The following B4GALT1 variants were observed in gnomAD, a reference collection of about 807,000 sequenced individuals.
B4GALT1 encodes the protein N-acetyllactosamine synthase.
Under a neutral mutation model 34.9 loss-of-function variants are expected in B4GALT1, and 16 were observed. The observed-to-expected ratio is 0.46, with a 90% CI of 0.31 to 0.70. B4GALT1 has a LOEUF of 0.70. Ranked by LOEUF, B4GALT1 falls within the 30% of genes least tolerant of loss-of-function variation. B4GALT1 has a pLI of 0.05. For synonymous variants in B4GALT1, 221 were observed against 218.1 expected (o/e 1.01, Z -0.12); for missense variants, 445 against 530.5 (o/e 0.84, Z 1.58).
At chr9:33,142,738 G>A (rs1278613432) in intron 1 of B4GALT1, among the ~76,000 whole-genome samples, 2 of 152,124 alleles carry the variant, frequency 1.3e-5, no homozygotes, top group African/African-American at 2.4e-5. Context: ...TGGGACTGCA[G>A]TGCATGCTAC....
chr9:33,163,132 A>T (rs936049457), intron 1 of B4GALT1, among the ~76,000 whole-genome samples: 2 of 151,702 alleles, frequency 1.3e-5, no homozygotes, highest in African/African-American at 2.4e-5. Context: ...CTCAAAGTAC[A>T]CTCTGTCCTG....
Position 33,105,313 on chromosome 9 carries a change from A to G in B4GALT1, c.649-532T>C, listed in dbSNP as rs201415544. Among the ~76,000 whole-genome samples the G allele has an allele frequency of 1.4e-4, 21 of 151,408 alleles. No individual in the cohort carries two copies. The East Asian group carries it at 4.1e-3, about 30-fold the overall frequency. On this transcript the variant is annotated intron_variant, in intron 2 of 2. Transcript: ENST00000535206. Reference sequence around the variant, plus strand: ...CACCACCACGCCTGGCTAATTTTGTATTTTTAGTAGAGACAGGGTTTCTCC... The same window carrying G: ...CACCACCACGCCTGGCTAATTTTGTGTTTTTAGTAGAGACAGGGTTTCTCC...
chr9:33,125,629 C>T (rs1345016501), intron 2 of B4GALT1, among the ~76,000 whole-genome samples: 2 of 151,298 alleles, frequency 1.3e-5, no homozygotes, highest in Non-Finnish European at 3.0e-5. Context: ...ATGTGCACTA[C>T]ACTTGCAAGC....
In B4GALT1 at chr9:33,157,063, T is replaced by TACACACACACACACACACACACACAC. The variant is rs371027641; in HGVS notation, c.412+9669_412+9694dup. 6.7e-3 allele frequency among the ~76,000 whole-genome samples: 589 copies of TACACACACACACACACACACACACAC among 87,296 alleles called. 41 individuals carry two copies. The highest frequency in any genetic ancestry group is 0.015 in the East Asian group (28 of 1,870). 57.3% of individuals were successfully genotyped at this position (87,296 alleles called of 152,430 possible). On this transcript the variant is annotated intron_variant, in intron 1 of 5. Coordinates refer to ENST00000379731, the MANE Select transcript of B4GALT1 (RefSeq NM_001497.4). ...CCACATGGTGTCCAGCATAGGGAAC[T>TACACACACACACACACACACACACAC]ACACACACACACACACACACACACA...
chr9:33,150,354 T>C (rs993093406), intron 1 of B4GALT1, among the ~76,000 whole-genome samples: 1 of 151,540 alleles, frequency 6.6e-6, no homozygotes, highest in Admixed American at 6.6e-5. Flanking sequence ...CAGGAATTCT[T>C]TGTATTAGTC....
At chr9:33,114,840 G>A (rs1839916614) in intron 4 of B4GALT1, among the ~76,000 whole-genome samples, 1 of 152,074 alleles carries the variant, frequency 6.6e-6, no homozygotes, top group Admixed American at 6.5e-5. Flanking sequence ...CAAGAAAGTT[G>A]CTCCACACAC....
chr9:33,168,206 G>T (rs1049553990), upstream of B4GALT1, among the ~76,000 whole-genome samples: 1 of 152,220 alleles, frequency 6.6e-6, no homozygotes, highest in African/African-American at 2.4e-5. Context: ...GCCCACAGCT[G>T]GCAAGAGGCA....
At chr9:33,172,929 G>C in the B4GALT1 span, among the ~76,000 whole-genome samples, 1 of 151,828 alleles carries the variant, frequency 6.6e-6, no homozygotes, top group Non-Finnish European at 1.5e-5. Flanking sequence ...GGATAGGGAG[G>C]GGTAAGGGTG....
chr9:33,163,796 G>A (rs1353161962), intron 1 of B4GALT1, among the ~76,000 whole-genome samples: 1 of 152,228 alleles, frequency 6.6e-6, no homozygotes, highest in Non-Finnish European at 1.5e-5. Context: ...CTGAGACAGG[G>A]TTAGGAAAGA....
chr9:33,109,694 A>C (rs1486321795), downstream of B4GALT1, among the ~76,000 whole-genome samples: 1 of 152,240 alleles, frequency 6.6e-6, no homozygotes, highest in East Asian at 1.9e-4. Flanking sequence ...TGGCATCTGC[A>C]GTGGAGGCAG....
chr9:33,154,034 G>GAA (rs1840562081), intron 1 of B4GALT1, among the ~76,000 whole-genome samples: 1 of 53,922 alleles, frequency 1.9e-5, no homozygotes, highest in African/African-American at 7.2e-5. Context: ...AGGAAGGAAG[G>GAA]GAGGGAGGGA....
intron 1 of B4GALT1, among the ~76,000 whole-genome samples, chr9:33,147,319 G>A (rs1039257289): frequency 6.8e-5 from 10 of 147,918 alleles, no homozygotes; most frequent in Admixed American, 4.8e-4. Flanking sequence ...GTGCCATCCC[G>A]GCTTACTGCA....
At chr9:33,113,943 C>A in intron 4 of B4GALT1, 65 bp from the exon 5 acceptor site, 2 of 1,435,228 alleles carry the variant, frequency 1.4e-6, no homozygotes, top group Middle Eastern at 1.7e-4. Flanking sequence ...AGAGCCCCGG[C>A]TGCAAGACTG....
At chr9:33,153,679 A>C (rs899561145) in intron 1 of B4GALT1, among the ~76,000 whole-genome samples, 2 of 152,150 alleles carry the variant, frequency 1.3e-5, no homozygotes, top group African/African-American at 4.8e-5. Flanking sequence ...AGAAGGTCTG[A>C]ATAGACCTAT....
chr9:33,177,709 A>G, the B4GALT1 span, among the ~76,000 whole-genome samples: 2 of 152,220 alleles, frequency 1.3e-5, no homozygotes, highest in Non-Finnish European at 2.9e-5. Flanking sequence ...ACAATTTATT[A>G]TTTCTTACAG....
intron 1 of B4GALT1, among the ~76,000 whole-genome samples, chr9:33,143,751 G>A (rs762840538): frequency 2.6e-5 from 4 of 152,166 alleles, no homozygotes; most frequent in Non-Finnish European, 5.9e-5. Context: ...TAAGAATGAG[G>A]TCAAGAAAAA....
intron 1 of B4GALT1, among the ~76,000 whole-genome samples, chr9:33,142,501 G>T (rs1029948342): frequency 6.6e-6 from 1 of 152,166 alleles, no homozygotes; most frequent in East Asian, 1.9e-4. Flanking sequence ...ATGCTGACAT[G>T]ATATGTCTTG....
chr9:33,123,879 C>T (rs762244254), intron 2 of B4GALT1, among the ~76,000 whole-genome samples: 5 of 152,316 alleles, frequency 3.3e-5, no homozygotes, highest in Middle Eastern at 3.4e-3. Flanking sequence ...GCCCTTTCAA[C>T]GTGGTGAGAT....
At chr9:33,136,818 C>A (rs1036110254) in intron 1 of B4GALT1, among the ~76,000 whole-genome samples, 1 of 152,240 alleles carries the variant, frequency 6.6e-6, no homozygotes, top group African/African-American at 2.4e-5. Context: ...CTGAAACATG[C>A]TGGTGAGAAC....
Sources: allele counts gnomAD v4.1 joint callset (sites outside exome capture counted in the v4.1 genomes callset), GRCh38; gene constraint gnomAD v4.1.1; transcripts MANE v1.5; gene names NCBI Gene and HGNC (gene_info 2026-07-23, HGNC 2026-07-21).